The following FILIP1 variants were observed in gnomAD, a reference collection of about 807,000 sequenced individuals.
The protein encoded by FILIP1 is filamin-A-interacting protein 1.
Under a neutral mutation model 102.1 loss-of-function variants are expected in FILIP1, and 61 were observed. That is an observed-to-expected ratio of 0.60 (90% CI 0.49 to 0.74). The LOEUF (loss-of-function observed/expected upper bound fraction) is 0.74. Among genes scored for constraint, FILIP1 ranks in the 30% least tolerant of loss-of-function variants. The pLI, the probability that FILIP1 is intolerant of heterozygous loss-of-function variation, is 0.00. For synonymous variants in FILIP1, 491 were observed against 526.9 expected (o/e 0.93, Z 0.93); for missense variants, 1,314 against 1,441.2 (o/e 0.91, Z 1.43).
intron 4 of FILIP1, among the ~76,000 whole-genome samples, chr6:75,329,725 T>C (rs116529632): frequency 0.011 from 1,740 of 152,280 alleles, 27 homozygotes; most frequent in African/African-American, 0.039. Context: ...TAGGGCATGG[T>C]TTAACCAAAT....
intron 1 of FILIP1, among the ~76,000 whole-genome samples, chr6:75,490,637 TTGTGTGTGTGTG>T (rs59493141): frequency 6.8e-6 from 1 of 147,906 alleles, no homozygotes; most frequent in Non-Finnish European, 1.5e-5. Context: ...TACACAGGAT[TTGTGTGTGTGTG>T]TGTGTGTGTG....
intron 2 of FILIP1, among the ~76,000 whole-genome samples, chr6:75,372,675 AAGAAAG>A (rs1212319722): frequency 6.6e-5 from 4 of 60,412 alleles, no homozygotes; most frequent in African/African-American, 3.9e-4. Flanking sequence ...GAAAGAAAGA[AAGAAAG>A]AAAGAGAAAG....
intron 1 of FILIP1, among the ~76,000 whole-genome samples, chr6:75,473,228 T>C (rs865848578): frequency 3.3e-5 from 5 of 152,304 alleles, no homozygotes; most frequent in Middle Eastern, 6.8e-3. Flanking sequence ...AATAATATTA[T>C]AGGACTTTAA....
intron 4 of FILIP1, among the ~76,000 whole-genome samples, chr6:75,337,914 G>A (rs990637479): frequency 2.0e-5 from 3 of 152,016 alleles, no homozygotes; most frequent in Middle Eastern, 3.4e-3. Flanking sequence ...TTTGAATACA[G>A]GTTTTTTACA....
intron 2 of FILIP1, among the ~76,000 whole-genome samples, chr6:75,401,433 C>T (rs531349608): frequency 6.6e-6 from 1 of 152,250 alleles, no homozygotes; most frequent in African/African-American, 2.4e-5. Context: ...TCCTTCTATT[C>T]TCTTATCCCT....
chr6:75,404,414 T>C (rs1582454620), intron 2 of FILIP1, among the ~76,000 whole-genome samples: 1 of 152,150 alleles, frequency 6.6e-6, no homozygotes, highest in East Asian at 1.9e-4. Context: ...CTTATACTAT[T>C]GTCCTTTCAC....
chr6:75,471,955 T>C (rs1011675885), intron 1 of FILIP1, among the ~76,000 whole-genome samples: 1 of 152,114 alleles, frequency 6.6e-6, no homozygotes, highest in Non-Finnish European at 1.5e-5. Context: ...GAGAGGGGAA[T>C]AATCAAAGGG....
chr6:75,340,012 T>C (rs1393076964), intron 4 of FILIP1, among the ~76,000 whole-genome samples: 5 of 151,978 alleles, frequency 3.3e-5, no homozygotes, highest in Non-Finnish European at 5.9e-5. Flanking sequence ...AATGTATTTT[T>C]TAAATATACA....
chr6:75,428,598 A>G (rs1041457535), intron 1 of FILIP1: 5 of 154,220 alleles, frequency 3.2e-5, no homozygotes, highest in African/African-American at 1.2e-4. Flanking sequence ...GCCCCAGTAT[A>G]TCTACCTATT....
intron 1 of FILIP1, among the ~76,000 whole-genome samples, chr6:75,452,016 G>T (rs568353666): frequency 6.6e-6 from 1 of 151,492 alleles, no homozygotes; most frequent in Non-Finnish European, 1.5e-5. Context: ...TATTTGGATC[G>T]AATAATTCCA....
At chr6:75,471,084 C>T (rs1427579570) in intron 1 of FILIP1, among the ~76,000 whole-genome samples, 3 of 149,392 alleles carry the variant, frequency 2.0e-5, no homozygotes, top group African/African-American at 7.4e-5. Flanking sequence ...CTCTTGAACC[C>T]GGGAGGTGGA....
At chr6:75,478,831 C>A (rs1383949341) in intron 1 of FILIP1, among the ~76,000 whole-genome samples, 2 of 152,072 alleles carry the variant, frequency 1.3e-5, no homozygotes, top group Non-Finnish European at 2.9e-5. Flanking sequence ...CAATTTTTTT[C>A]AGAGTATTTC....
At chr6:75,399,645 A>T (rs900579329) in intron 2 of FILIP1, among the ~76,000 whole-genome samples, 2 of 152,190 alleles carry the variant, frequency 1.3e-5, no homozygotes, top group African/African-American at 4.8e-5. Context: ...ACACCTTACA[A>T]GGAGGTGCCC....
chr6:75,484,933 G>A (rs1339402411), intron 1 of FILIP1, among the ~76,000 whole-genome samples: 3 of 152,182 alleles, frequency 2.0e-5, no homozygotes, highest in Non-Finnish European at 2.9e-5. Flanking sequence ...GACTAATGTG[G>A]AAATTATCGC....
chr6:75,404,287 G>A (rs181243387), intron 2 of FILIP1, among the ~76,000 whole-genome samples: 2 of 152,176 alleles, frequency 1.3e-5, no homozygotes, highest in Admixed American at 1.3e-4. Context: ...AACCCTAAAT[G>A]CAAATAGCTC....
intron 2 of FILIP1, chr6:75,398,197 T>A (rs1247758368): frequency 6.6e-6 from 1 of 152,220 alleles, no homozygotes; most frequent in East Asian, 1.9e-4. Flanking sequence ...AGTACCCTGC[T>A]TTCTCTCTTA....
At chr6:75,435,065 C>T (rs1476516135) in intron 1 of FILIP1, among the ~76,000 whole-genome samples, 1 of 152,100 alleles carries the variant, frequency 6.6e-6, no homozygotes, top group East Asian at 1.9e-4. Context: ...AAACTTTTTG[C>T]TGTGCTGCTA....
intron 1 of FILIP1, among the ~76,000 whole-genome samples, chr6:75,478,042 T>C (rs571514514): frequency 6.6e-6 from 1 of 152,288 alleles, no homozygotes; most frequent in South Asian, 2.1e-4. Flanking sequence ...TGGACTCACT[T>C]CTCTTTACCT....
intron 4 of FILIP1, among the ~76,000 whole-genome samples, chr6:75,336,342 T>C (rs1442703946): frequency 6.6e-6 from 1 of 152,150 alleles, no homozygotes; most frequent in Non-Finnish European, 1.5e-5. Flanking sequence ...TACAGGGCTG[T>C]TATGAGAATT....
Sources: allele counts gnomAD v4.1 joint callset (sites outside exome capture counted in the v4.1 genomes callset), GRCh38; gene constraint gnomAD v4.1.1; transcripts MANE v1.5; gene names NCBI Gene and HGNC (gene_info 2026-07-23, HGNC 2026-07-21).